Variants in ITFG1 observed in about 807,000 individuals in gnomAD.
The protein encoded by ITFG1 is integrin alpha FG-GAP repeat containing 1, also known as T-cell immunomodulatory protein.
A neutral mutation model predicts 81.8 loss-of-function variants in ITFG1; 34 were observed. The ratio of observed to expected loss-of-function variants is 0.42; its 90% CI spans 0.32 to 0.55. The LOEUF is 0.55. ITFG1 is among the 20% of genes least tolerant of loss of function. The pLI, the probability that ITFG1 is intolerant of heterozygous loss-of-function variation, is 0.17. For synonymous variants in ITFG1, 285 were observed against 270.6 expected, an observed-to-expected ratio of 1.05 and a Z score of -0.52; for missense variants, 672 against 755.4, an observed-to-expected ratio of 0.89 and a Z score of 1.29.
chr16:47,404,902 A>G (rs945324605), intron 6 of ITFG1, among the ~76,000 whole-genome samples: 4 of 152,154 alleles, frequency 2.6e-5, no homozygotes, highest in Non-Finnish European at 5.9e-5. Context: ...TGTTAAACAC[A>G]TATGTTTATT....
intron 5 of ITFG1, among the ~76,000 whole-genome samples, chr16:47,435,327 T>A (rs780635920): frequency 6.6e-5 from 10 of 152,138 alleles, no homozygotes; most frequent in Non-Finnish European, 1.2e-4. Flanking sequence ...AAGGCTAAGG[T>A]CACACATAAA....
intron 7 of ITFG1, among the ~76,000 whole-genome samples, chr16:47,368,967 C>T (rs1168404802): frequency 2.6e-5 from 4 of 152,062 alleles, no homozygotes; most frequent in African/African-American, 9.7e-5. Context: ...GGGGAAAAGA[C>T]AACACTTTAT....
chr16:47,409,374 C>CCA (rs1445763015), intron 6 of ITFG1, among the ~76,000 whole-genome samples: 1 of 20,988 alleles, frequency 4.8e-5, no homozygotes, highest in South Asian at 2.8e-3. Flanking sequence ...TACACACACA[C>CCA]TATATATATA....
chr16:47,391,939 C>T (rs1165072644), intron 6 of ITFG1, among the ~76,000 whole-genome samples: 2 of 152,060 alleles, frequency 1.3e-5, no homozygotes, highest in Non-Finnish European at 2.9e-5. Context: ...TAATATATGC[C>T]AAGTACTGTT....
chr16:47,321,631 G>C (rs1451650892), intron 8 of ITFG1, among the ~76,000 whole-genome samples: 1 of 152,124 alleles, frequency 6.6e-6, no homozygotes, highest in Admixed American at 6.5e-5. Context: ...GGAGGCTGCA[G>C]AGTACTATGA....
At chr16:47,455,856 A>G (rs1303440107) in intron 2 of ITFG1, among the ~76,000 whole-genome samples, 1 of 151,990 alleles carries the variant, frequency 6.6e-6, no homozygotes, top group Non-Finnish European at 1.5e-5. Flanking sequence ...AAAATAAAAC[A>G]AAACTAAATG....
chr16:47,313,456 C>T (rs1480857169), intron 9 of ITFG1, among the ~76,000 whole-genome samples: 2 of 152,060 alleles, frequency 1.3e-5, no homozygotes, highest in Admixed American at 1.3e-4. Flanking sequence ...GTGTGTTTTG[C>T]CATATTCCTG....
At chr16:47,322,108 C>G (rs1390431729) in intron 8 of ITFG1, among the ~76,000 whole-genome samples, 1 of 151,904 alleles carries the variant, frequency 6.6e-6, no homozygotes, top group African/African-American at 2.4e-5. Flanking sequence ...ATTAATGTAC[C>G]TATGTTATTG....
intron 10 of ITFG1, among the ~76,000 whole-genome samples, chr16:47,297,301 T>C (rs1381426595): frequency 6.6e-6 from 1 of 152,196 alleles, no homozygotes; most frequent in Non-Finnish European, 1.5e-5. Flanking sequence ...TTACCCACAG[T>C]CTGTAAGTGT....
intron 8 of ITFG1, among the ~76,000 whole-genome samples, chr16:47,324,127 T>C (rs1967492594): frequency 6.6e-6 from 1 of 152,134 alleles, no homozygotes; most frequent in Non-Finnish European, 1.5e-5. Context: ...TACTTTAAAA[T>C]TTTGGGATAT....
intron 8 of ITFG1, among the ~76,000 whole-genome samples, chr16:47,319,948 G>C (rs1333337528): frequency 6.6e-6 from 1 of 152,116 alleles, no homozygotes; most frequent in African/African-American, 2.4e-5. Flanking sequence ...TTGAGACAGA[G>C]TCTCACTCTG....
intron 14 of ITFG1, among the ~76,000 whole-genome samples, chr16:47,186,560 G>A (rs1965220482): frequency 1.3e-5 from 2 of 152,124 alleles, no homozygotes; most frequent in African/African-American, 2.4e-5. Flanking sequence ...AAATTCAACA[G>A]CCCTTCATGC....
At chr16:47,254,236 T>C (rs1199259234) in intron 12 of ITFG1, among the ~76,000 whole-genome samples, 1 of 151,984 alleles carries the variant, frequency 6.6e-6, no homozygotes, top group African/African-American at 2.4e-5. Flanking sequence ...TTAAAAAAAA[T>C]GTAAATGAAT....
At chr16:47,329,637 T>C (rs187724301) in intron 8 of ITFG1, among the ~76,000 whole-genome samples, 17 of 152,322 alleles carry the variant, frequency 1.1e-4, no homozygotes, top group Non-Finnish European at 2.1e-4. Context: ...GTGTTTACTA[T>C]GTGCAAAACA....
At chr16:47,189,356 T>C (rs1355486557) in intron 14 of ITFG1, among the ~76,000 whole-genome samples, 1 of 152,158 alleles carries the variant, frequency 6.6e-6, no homozygotes, top group Admixed American at 6.5e-5. Flanking sequence ...CCAAGAGCAC[T>C]TAGTTCCCAT....
intron 12 of ITFG1, among the ~76,000 whole-genome samples, chr16:47,240,542 T>C (rs1459646168): frequency 2.0e-5 from 3 of 152,158 alleles, no homozygotes; most frequent in Non-Finnish European, 4.4e-5. Context: ...CATGAAAAGA[T>C]GCGCAACATC....
intron 10 of ITFG1, among the ~76,000 whole-genome samples, chr16:47,303,679 A>C (rs1301492240): frequency 6.6e-6 from 1 of 152,166 alleles, no homozygotes; most frequent in South Asian, 2.1e-4. Flanking sequence ...GCTGGAATGC[A>C]GTGGTGTAAT....
intron 17 of ITFG1, 149 bp from the exon 18 acceptor site, chr16:47,155,927 T>C (rs1964696791): frequency 3.7e-6 from 2 of 547,552 alleles, no homozygotes; most frequent in East Asian, 6.2e-5. Flanking sequence ...CCTAGTATTT[T>C]TGTAGTTTAT....
At chr16:47,363,688 T>C (rs1203904666) in intron 8 of ITFG1, among the ~76,000 whole-genome samples, 1 of 152,258 alleles carries the variant, frequency 6.6e-6, no homozygotes, top group Non-Finnish European at 1.5e-5. Context: ...CTACTACTTC[T>C]CTATAATTTA....
Sources: gnomAD v4.1 joint callset for allele counts (sites outside exome capture counted in the v4.1 genomes callset) on GRCh38, gnomAD v4.1.1 for gene constraint, MANE v1.5 for transcripts, NCBI Gene and HGNC (gene_info 2026-07-23, HGNC 2026-07-21) for gene names.